Variants in WDR83 observed in about 807,000 individuals in gnomAD.
WDR83 encodes the protein WD repeat domain 83.
Under a neutral mutation model 37.7 loss-of-function variants are expected in WDR83, and 37 were observed. The ratio of observed to expected loss-of-function variants is 0.98; its 90% CI spans 0.76 to 1.29. The LOEUF is 1.29. Ranked by LOEUF, WDR83 falls within the 50% of genes most tolerant of loss-of-function variation. The probability of loss-of-function intolerance (pLI) is 0.00; values close to 1 mark genes in which losing one functional copy is unlikely to be tolerated. For missense variants in WDR83, 445 were observed against 414.4 expected (o/e 1.07, Z -0.64); for synonymous variants, 174 against 181.1 (o/e 0.96, Z 0.31).
intron 7 of WDR83, 135 bp downstream of exon 7, chr19:12,670,956 G>C (rs2024397474): frequency 2.2e-6 from 3 of 1,372,908 alleles, no homozygotes; most frequent in South Asian, 1.4e-5. Context: ...GGAGGCTGAA[G>C]TGGAAGGATC....
chr19:12,669,706 A>C, intron 2 of WDR83, 49 bp from the exon 3 acceptor site: 1 of 1,359,992 alleles, frequency 7.4e-7, no homozygotes, highest in Non-Finnish European at 1.0e-6. Flanking sequence ...GAACAATAAT[A>C]AGGTTACACC....
chr19:12,670,308 TCATTTGAGTGGAGGGG>T, intron 5 of WDR83, 23 bp downstream of exon 5: 2 of 1,609,724 alleles, frequency 1.2e-6, no homozygotes, highest in Non-Finnish European at 1.7e-6. Flanking sequence ...CTGGAGACCC[TCATTTGAGTGGAGGGG>T]ACCCGTATTA....
In WDR83 at chr19:12,670,696, C is replaced by A. The variant is rs1485915599; in HGVS notation, c.381C>A (p.Gly127=). 1 of 1,614,228 alleles carries A rather than the reference C, an allele frequency of 6.2e-7. No individual in the cohort carries two copies. The highest frequency in any genetic ancestry group is 1.1e-5 in the South Asian group (1 of 91,092). ...CTCACCATCATGCTGGCCTCACAGG[C>A]TCTATTGATTCCAGTATCCGCTGTT... ...FNEEATVILS[G]SIDSSIRCWD... Residue 127 remains glycine (G), a splice_region_variant and synonymous_variant, in exon 7 of 11, where the codon GGC becomes GGA. Transcript: ENST00000418543.
At chr19:12,675,083 C>T (rs1381395088) in intron 10 of WDR83, among the ~76,000 whole-genome samples, 1 of 150,794 alleles carries the variant, frequency 6.6e-6, no homozygotes, top group East Asian at 2.0e-4. Flanking sequence ...CACTGCACTC[C>T]AGCCTGGCGA....
At position 12,672,865 on chromosome 19, in the gene WDR83, G is replaced by C. The variant is rs1362245515; in HGVS notation, c.525G>C (p.Val175=). The C allele has an allele frequency of 6.3e-7, 1 of 1,589,790 alleles. No homozygotes were observed. The highest frequency in any genetic ancestry group is 8.6e-7 in the Non-Finnish European group (1 of 1,168,038). The change falls in exon 8 of 11, where the codon GTG becomes GTC. Residue 175 remains valine, a synonymous_variant. Transcript: ENST00000418543. ...EILAGSVDGR[V]RRYDLRMGQL... ...CCTGCAGCTCCGTGGATGGCCGCGT[G>C]AGACGCTATGACCTAAGGATGGGGC...
chr19:12,668,443 T>C, intron 1 of WDR83, 65 bp from the exon 2 acceptor site: 1 of 1,612,814 alleles, frequency 6.2e-7, no homozygotes. Flanking sequence ...AGGAGAGAGG[T>C]GTCAGTCTAG....
chr19:12,668,966 A>C (rs1181425121), intron 2 of WDR83, among the ~76,000 whole-genome samples: 1 of 152,040 alleles, frequency 6.6e-6, no homozygotes, highest in Non-Finnish European at 1.5e-5. Context: ...GACTTCACCA[A>C]AGACTGGGGC....
chr19:12,669,448 C>T, intron 2 of WDR83: 1 of 1,563,958 alleles, frequency 6.4e-7, no homozygotes, highest in Non-Finnish European at 8.7e-7. Context: ...GCAGGAATCG[C>T]AGCTTCCGGC....
intron 2 of WDR83, chr19:12,669,375 C>G (rs756079595): frequency 6.2e-7 from 1 of 1,601,960 alleles, no homozygotes; most frequent in Admixed American, 1.7e-5. Flanking sequence ...GTTCGGCCTC[C>G]GTGGGTCCGA....
chr19:12,675,243 A>G (rs1020522900), intron 10 of WDR83, among the ~76,000 whole-genome samples: 8 of 152,346 alleles, frequency 5.3e-5, no homozygotes, highest in African/African-American at 1.9e-4. Flanking sequence ...CCTGGGCAAC[A>G]TGGTAAGACC....
chr19:12,666,839 G>T lies in WDR83; in HGVS notation c.-310G>T. ...GGAGGCTCACGGGAGAGAGGCTGTA[G>T]CCCTGGGCAATCCCGGGGGTCGTTA... is the stretch of plus-strand genomic sequence containing the variant. On this transcript the variant is annotated 5_prime_UTR_variant, in exon 1 of 11. Coordinates refer to ENST00000418543, the MANE Select transcript of WDR83 (RefSeq NM_001099737.3). The T allele has an allele frequency of 4.9e-6, 4 of 819,442 alleles. No individual in the cohort carries two copies. The South Asian group carries it at 7.2e-5, about 15-fold the overall frequency. 50.8% of individuals were successfully genotyped at this position (819,442 alleles called of 1,614,324 possible).
chr19:12,674,043 G>A (rs2024498111), intron 10 of WDR83, among the ~76,000 whole-genome samples: 1 of 152,186 alleles, frequency 6.6e-6, no homozygotes, highest in South Asian at 2.1e-4. Flanking sequence ...TCCAGGCAAA[G>A]GGAACAGCAT....
chr19:12,675,429 T>A, intron 10 of WDR83, 94 bp from the exon 11 acceptor site: 3 of 1,516,200 alleles, frequency 2.0e-6, no homozygotes, highest in Non-Finnish European at 2.6e-6. Flanking sequence ...GACTGAGGGC[T>A]TCAGGCAGGA....
chr19:12,670,945 G>A, intron 7 of WDR83, 124 bp downstream of exon 7: 1 of 1,440,732 alleles, frequency 6.9e-7, no homozygotes, highest in Non-Finnish European at 9.3e-7. Context: ...CCAGCTACTT[G>A]GGAGGCTGAA....
At position 12,675,680 on chromosome 19, in the gene WDR83, G is replaced by A; in HGVS notation, c.*8G>A. 6.3e-7 allele frequency: 1 copy of A among 1,599,746 alleles called. No individual in the cohort carries two copies. Among genetic ancestry groups the A allele is most frequent in the Non-Finnish European group, 8.5e-7 (1 of 1,178,996 alleles). ...GAGGATGGAGCAGGCTGAAGCCAGGGGACCCACCAACAGGACCAAGGACCG... is the reference window on the plus strand; with the variant it reads ...GAGGATGGAGCAGGCTGAAGCCAGGAGACCCACCAACAGGACCAAGGACCG... On this transcript the variant is annotated 3_prime_UTR_variant, in exon 11 of 11. Transcript: ENST00000418543.
Position 12,670,565 on chromosome 19 carries a change from G to A in WDR83, c.333G>A (p.Lys111=). 6.2e-7 allele frequency: 1 copy of A among 1,614,212 alleles called. No individual in the cohort carries two copies. The change falls in exon 6 of 11, where the codon AAG becomes AAA. Residue 111 remains lysine (K), a splice_region_variant and synonymous_variant. Coordinates refer to ENST00000418543, the MANE Select transcript of WDR83 (RefSeq NM_001099737.3). The part of the protein sequence containing the change: ...VVRKFRGHAG[K]VNTVQFNEEA... ...CTGAGTGGCAATAACTTTCTCAGAA[G>A]GTGAACACGGTGCAGTTTAATGAAG... is the stretch of plus-strand genomic sequence containing the variant.
rs753804399 is a variant in WDR83 at position 12,670,683 on chromosome 19, C to G, written c.380-12C>G. On this transcript the variant is annotated splice_polypyrimidine_tract_variant and intron_variant, in intron 6 of 10. Coordinates refer to ENST00000418543, the MANE Select transcript of WDR83 (RefSeq NM_001099737.3). ...CTCCAAACCTGACCTCACCATCATG[C>G]TGGCCTCACAGGCTCTATTGATTCC... The G allele has an allele frequency of 5.6e-6, 9 of 1,614,118 alleles. No homozygotes were observed. In the East Asian group the frequency reaches 1.6e-4, roughly 28 times the overall value.
chr19:12,674,223 A>G (rs953793384), intron 10 of WDR83, among the ~76,000 whole-genome samples: 2 of 152,200 alleles, frequency 1.3e-5, no homozygotes, highest in Admixed American at 6.5e-5. Context: ...CTTGGGTGAG[A>G]TAGGGCTGCA....
intron 7 of WDR83, 114 bp from the exon 8 acceptor site, chr19:12,672,733 G>A: frequency 8.9e-7 from 1 of 1,124,576 alleles, no homozygotes; most frequent in South Asian, 1.4e-5. Context: ...CAGAGCTTCA[G>A]AATTCCACTC....
Sources: allele counts gnomAD v4.1 joint callset (sites outside exome capture counted in the v4.1 genomes callset), GRCh38; gene constraint gnomAD v4.1.1; transcripts MANE v1.5; gene names NCBI Gene and HGNC (gene_info 2026-07-23, HGNC 2026-07-21).